Variants in ZPBP observed in about 807,000 individuals in gnomAD.
ZPBP encodes the protein zona pellucida binding protein, also known as zona pellucida-binding protein 1.
In ZPBP, 26 loss-of-function variants were observed where a neutral mutation model predicts 44.8. The ratio of observed to expected loss-of-function variants is 0.58; its 90% CI spans 0.43 to 0.81. The LOEUF is 0.81. ZPBP is among the 30% of genes least tolerant of loss of function. The probability of loss-of-function intolerance (pLI) is 0.00; values close to 1 mark genes in which losing one functional copy is unlikely to be tolerated. For missense variants in ZPBP, 409 were observed against 434.0 expected (o/e 0.94, Z 0.51); for synonymous variants, 174 against 153.2 (o/e 1.14, Z -1.00).
At chr7:50,082,335 A>C (rs905523328) in intron 2 of ZPBP, among the ~76,000 whole-genome samples, 4 of 151,940 alleles carry the variant, frequency 2.6e-5, no homozygotes, top group Admixed American at 6.6e-5. Flanking sequence ...ATGATGTAGC[A>C]TGATGTACTG....
chr7:49,926,348 T>TA (rs1392740037), intron 1 of ZPBP, among the ~76,000 whole-genome samples: 1 of 152,250 alleles, frequency 6.6e-6, no homozygotes, highest in African/African-American at 2.4e-5. Context: ...CTTCTTCTAC[T>TA]ACCTGCAGCT....
chr7:50,018,712 G>A (rs1798936746), intron 5 of ZPBP, among the ~76,000 whole-genome samples: 1 of 151,724 alleles, frequency 6.6e-6, no homozygotes, highest in Non-Finnish European at 1.5e-5. Flanking sequence ...TTAATCTCTA[G>A]CTGCAAAATG....
intron 7 of ZPBP, among the ~76,000 whole-genome samples, chr7:49,979,852 ATATAT>A (rs1796703276): frequency 2.4e-5 from 1 of 41,256 alleles, no homozygotes; most frequent in African/African-American, 9.9e-5. Flanking sequence ...TATATAAAAT[ATATAT>A]AATATAATAT....
At chr7:50,072,055 G>A (rs1038028453) in intron 3 of ZPBP, among the ~76,000 whole-genome samples, 1 of 152,218 alleles carries the variant, frequency 6.6e-6, no homozygotes. Context: ...GACGGGGAGA[G>A]CAACAAGTGG....
chr7:50,083,656 A>G (rs1350599788), intron 2 of ZPBP, among the ~76,000 whole-genome samples: 1 of 151,900 alleles, frequency 6.6e-6, no homozygotes, highest in Non-Finnish European at 1.5e-5. Flanking sequence ...GGAACAAATA[A>G]TGGGTCTAGG....
At chr7:50,072,800 A>T (rs1410830092) in intron 3 of ZPBP, among the ~76,000 whole-genome samples, 1 of 152,236 alleles carries the variant, frequency 6.6e-6, no homozygotes, top group Non-Finnish European at 1.5e-5. Context: ...CCTAAAACAG[A>T]CACAATTTAC....
In ZPBP at chr7:50,093,181, G is replaced by A; in HGVS notation, c.14C>T (p.Ala5Val). 6.5e-7 allele frequency: 1 copy of A among 1,532,694 alleles called. No homozygotes were observed. The highest frequency in any genetic ancestry group is 2.0e-5 in the Admixed American group (1 of 49,606). The allele number at this position is 1,532,694 out of a possible 1,614,324, so 94.9% of individuals were successfully genotyped here. A position where few individuals can be genotyped will look rare whatever the true frequency, so the allele number is the denominator to read the frequency against. MEAFALGPARRGRRR... is the reference protein window; with the variant it reads MEAFVLGPARRGRRR... Reference sequence around the variant, plus strand: ...CCTGCCCCGCCGCGCTGGGCCAAGGGCGAAGGCCTCCATCCACACGCCGCC... The same window carrying A: ...CCTGCCCCGCCGCGCTGGGCCAAGGACGAAGGCCTCCATCCACACGCCGCC... Residue 5 changes from alanine (A) to valine (V), a missense_variant, in exon 1 of 8, where the codon GCC becomes GTC. By Grantham distance (64) the Ala-to-Val change is moderately conservative. Around this residue, in one of 2 missense-constraint regions of ZPBP, gnomAD observed 367 missense variants for 363.1 expected, o/e 1.01. Transcript: ENST00000046087.
intron 3 of ZPBP, among the ~76,000 whole-genome samples, chr7:50,080,428 A>AAAAT (rs1296392117): frequency 2.6e-5 from 4 of 151,764 alleles, no homozygotes; most frequent in Non-Finnish European, 3.0e-5. Flanking sequence ...AAGAGTGAGT[A>AAAAT]AAATAAATAT....
At position 49,881,127 on chromosome 7, in the gene ZPBP, G is replaced by A. The variant is rs140803566; in HGVS notation, n.509+19991C>T. On this transcript the variant is annotated intron_variant and non_coding_transcript_variant, in intron 2 of 2. Coordinates refer to the ZPBP transcript ENST00000465922. The stretch of plus-strand genomic sequence containing the variant: ...TCTCTCAGCCTGAGAGGCCAGGTTT[G>A]CGTTTGACTTGTATTCAGTTGTCCT... 6.6e-5 allele frequency among the ~76,000 whole-genome samples: 10 copies of A among 152,236 alleles called. 1 individual carries two copies. Among genetic ancestry groups the A allele is most frequent in the Middle Eastern group, 6.8e-3 (2 of 294 alleles).
intron 6 of ZPBP, among the ~76,000 whole-genome samples, chr7:50,012,467 A>C (rs1179240782): frequency 1.3e-5 from 2 of 151,916 alleles, no homozygotes; most frequent in Non-Finnish European, 2.9e-5. Flanking sequence ...AAATATCAAA[A>C]CCTGACCAAG....
intron 6 of ZPBP, among the ~76,000 whole-genome samples, chr7:50,009,743 C>A (rs2128800061): frequency 1.3e-5 from 2 of 151,756 alleles, no homozygotes; most frequent in South Asian, 4.2e-4. Flanking sequence ...GAATGCAAAA[C>A]AAAACAAAAC....
chr7:49,966,343 A>G (rs893072722), intron 7 of ZPBP, among the ~76,000 whole-genome samples: 2 of 152,150 alleles, frequency 1.3e-5, no homozygotes, highest in East Asian at 3.8e-4. Context: ...CAGTATCAAT[A>G]TATGTGTCTC....
At chr7:49,861,316 T>A (rs894492654) in intron 2 of ZPBP, among the ~76,000 whole-genome samples, 1 of 152,264 alleles carries the variant, frequency 6.6e-6, no homozygotes, top group Non-Finnish European at 1.5e-5. Context: ...GAGAAATGAC[T>A]GTTCAACTCA....
At position 49,937,759 on chromosome 7, in the gene ZPBP, T is replaced by A. The variant is rs535444561; in HGVS notation, c.962-137A>T. On this transcript the variant is annotated intron_variant, in intron 7 of 7. Transcript: ENST00000046087. ...CTGTTGTGCAACAAATCTGCAGAAC[T>A]TTTTCATCTTGCAAAACTGCAACTC... 3.0e-5 allele frequency: 21 copies of A among 707,442 alleles called. 2 individuals carry two copies. The South Asian group carries it at 3.8e-4, about 13-fold the overall frequency. 43.8% of individuals were successfully genotyped at this position (707,442 alleles called of 1,614,324 possible).
chr7:49,928,937 C>T (rs1481204102), intron 1 of ZPBP, among the ~76,000 whole-genome samples: 1 of 152,202 alleles, frequency 6.6e-6, no homozygotes, highest in African/African-American at 2.4e-5. Context: ...CAAAGGTTCA[C>T]ACACTGTGTC....
intron 1 of ZPBP, chr7:49,915,090 T>C (rs962310701): frequency 4.6e-5 from 7 of 152,244 alleles, no homozygotes; most frequent in Admixed American, 4.6e-4. Flanking sequence ...TCTTAGAGGT[T>C]TTCAAGTTAA....
At chr7:49,983,150 C>G (rs1797104660) in intron 7 of ZPBP, among the ~76,000 whole-genome samples, 192 bp downstream of exon 7, 1 of 151,914 alleles carries the variant, frequency 6.6e-6, no homozygotes, top group African/African-American at 2.4e-5. Flanking sequence ...AATATTAATA[C>G]CAAGGCCAAA....
chr7:49,910,708 G>A (rs760286941), intron 1 of ZPBP, among the ~76,000 whole-genome samples: 3 of 152,214 alleles, frequency 2.0e-5, no homozygotes, highest in Non-Finnish European at 4.4e-5. Context: ...TTTGTTGGCT[G>A]ATATATTATA....
intron 4 of ZPBP, among the ~76,000 whole-genome samples, chr7:50,032,379 G>A (rs1799643104): frequency 6.6e-6 from 1 of 152,098 alleles, no homozygotes; most frequent in African/African-American, 2.4e-5. Flanking sequence ...GTATGACTGG[G>A]GACAGGGAAA....
Sources: gnomAD v4.1 joint callset for allele counts (sites outside exome capture counted in the v4.1 genomes callset) on GRCh38, gnomAD v4.1.1 for gene constraint, gnomAD v4.1.1 regional missense constraint, MANE v1.5 for transcripts, NCBI Gene and HGNC (gene_info 2026-07-23, HGNC 2026-07-21) for gene names.